The following PTPRM variants were observed in gnomAD, a reference collection of about 807,000 sequenced individuals.
PTPRM encodes protein tyrosine phosphatase receptor type M, also known as receptor-type tyrosine-protein phosphatase mu.
PTPRM carries 47 observed loss-of-function variants against 186.7 expected under a neutral mutation model. The observed-to-expected ratio is 0.25, with a 90% CI of 0.20 to 0.32. The LOEUF is 0.32. PTPRM is among the 10% of genes least tolerant of loss of function. The pLI is 1.00. For synonymous variants in PTPRM, 668 were observed against 674.9 expected, an observed-to-expected ratio of 0.99 and a Z score of 0.16; for missense variants, 1,494 against 1,865.0, an observed-to-expected ratio of 0.80 and a Z score of 3.66.
At chr18:7,612,033 T>C (rs2037688552) in intron 1 of PTPRM, among the ~76,000 whole-genome samples, 1 of 152,236 alleles carries the variant, frequency 6.6e-6, no homozygotes. Flanking sequence ...AACGTGTCCC[T>C]GTCATTGACA....
chr18:7,776,527 ACTC>A (rs1361281102), intron 2 of PTPRM, among the ~76,000 whole-genome samples: 1 of 150,164 alleles, frequency 6.7e-6, no homozygotes, highest in Non-Finnish European at 1.5e-5. Flanking sequence ...TTTTTTTACT[ACTC>A]ATTAAACAAA....
chr18:7,928,993 T>G (rs1335452903), intron 5 of PTPRM, among the ~76,000 whole-genome samples: 2 of 152,202 alleles, frequency 1.3e-5, no homozygotes, highest in East Asian at 3.9e-4. Context: ...CAGCCCTGAC[T>G]CTACTATAGA....
Position 7,935,241 on chromosome 18 carries a change from G to T in PTPRM, c.663+8558G>T, listed in dbSNP as rs138628706. On this transcript the variant is annotated intron_variant, in intron 5 of 32. Transcript: ENST00000580170. ...GCATAAAGGAGGACTGTCTTTAGTTGCTATGGGAACCATTTGCTCTAAAAA... is the reference window on the plus strand; with the variant it reads ...GCATAAAGGAGGACTGTCTTTAGTTTCTATGGGAACCATTTGCTCTAAAAA... Among the ~76,000 whole-genome samples the T allele has an allele frequency of 4.4e-3, 667 of 152,162 alleles. 4 individuals are homozygous for T. The highest frequency in any genetic ancestry group is 0.015 in the African/African-American group (640 of 41,514).
intron 1 of PTPRM, among the ~76,000 whole-genome samples, chr18:7,696,591 T>G (rs983218014): frequency 2.6e-5 from 4 of 152,192 alleles, no homozygotes; most frequent in Non-Finnish European, 5.9e-5. Context: ...GTACAGGACT[T>G]GGGAACACAG....
intron 5 of PTPRM, among the ~76,000 whole-genome samples, chr18:7,931,089 G>A (rs1436084874): frequency 3.3e-5 from 5 of 151,928 alleles, no homozygotes; most frequent in Non-Finnish European, 7.4e-5. Context: ...TTCTTGTATC[G>A]AAAAACCTAT....
chr18:8,386,973 A>C (rs1261695778), intron 30 of PTPRM, 99 bp from the exon 31 acceptor site: 1 of 1,251,010 alleles, frequency 8.0e-7, no homozygotes, highest in Non-Finnish European at 1.1e-6. Flanking sequence ...ACTCGCCTTT[A>C]ATAATGGGAA....
At chr18:7,677,532 C>G (rs1352255969) in intron 1 of PTPRM, among the ~76,000 whole-genome samples, 2 of 152,166 alleles carry the variant, frequency 1.3e-5, no homozygotes, top group Admixed American at 6.6e-5. Context: ...CCTTACTTCT[C>G]TGGTTGATGA....
At chr18:7,966,796 G>C (rs1414684650) in intron 7 of PTPRM, among the ~76,000 whole-genome samples, 611 of 132,176 alleles carry the variant, frequency 4.6e-3, no homozygotes, top group African/African-American at 0.015. Context: ...ACCTGGCTCG[G>C]AGGGTCCTAC....
At chr18:8,391,631 C>G (rs1453088280) in intron 31 of PTPRM, among the ~76,000 whole-genome samples, 1 of 152,164 alleles carries the variant, frequency 6.6e-6, no homozygotes, top group East Asian at 1.9e-4. Flanking sequence ...CTCTTGGGGA[C>G]TGAACGTGGT....
chr18:7,904,779 C>T (rs957041736), intron 3 of PTPRM, among the ~76,000 whole-genome samples: 4 of 152,046 alleles, frequency 2.6e-5, no homozygotes, highest in Non-Finnish European at 5.9e-5. Flanking sequence ...GATGAATCTC[C>T]AAGAGTGCAA....
chr18:8,033,031 T>C (rs2086090190), intron 7 of PTPRM, among the ~76,000 whole-genome samples: 1 of 152,060 alleles, frequency 6.6e-6, no homozygotes, highest in South Asian at 2.1e-4. Flanking sequence ...AACCATTAAA[T>C]AAAAGATTGA....
At chr18:8,205,344 C>G (rs1457767206) in intron 14 of PTPRM, among the ~76,000 whole-genome samples, 2 of 152,048 alleles carry the variant, frequency 1.3e-5, no homozygotes, top group South Asian at 2.1e-4. Flanking sequence ...TCCCTATTAT[C>G]CCTACATACA....
chr18:8,252,690 G>A (rs1457749998), intron 18 of PTPRM, among the ~76,000 whole-genome samples, 191 bp downstream of exon 18: 1 of 152,232 alleles, frequency 6.6e-6, no homozygotes, highest in Admixed American at 6.5e-5. Flanking sequence ...AGCATGCAAA[G>A]TGATTCATCA....
intron 7 of PTPRM, among the ~76,000 whole-genome samples, chr18:7,985,769 A>G (rs2082932372): frequency 6.6e-6 from 1 of 151,914 alleles, no homozygotes; most frequent in Non-Finnish European, 1.5e-5. Flanking sequence ...GCATTTATCC[A>G]TTTTAAAATG....
intron 7 of PTPRM, among the ~76,000 whole-genome samples, chr18:8,064,157 TTTAAA>T (rs1012450954): frequency 6.6e-6 from 1 of 152,186 alleles, no homozygotes; most frequent in Non-Finnish European, 1.5e-5. Flanking sequence ...AATTTAATAA[TTTAAA>T]TTAAATTATT....
chr18:7,841,264 T>G (rs2046304855), intron 2 of PTPRM, among the ~76,000 whole-genome samples: 1 of 151,796 alleles, frequency 6.6e-6, no homozygotes, highest in African/African-American at 2.4e-5. Flanking sequence ...TTTGGACATT[T>G]TTGGCTCAAA....
chr18:7,991,377 A>C (rs750923823), intron 7 of PTPRM, among the ~76,000 whole-genome samples: 6 of 152,132 alleles, frequency 3.9e-5, no homozygotes, highest in Non-Finnish European at 8.8e-5. Flanking sequence ...ATGGCTTATG[A>C]CTATAAAGAA....
chr18:8,166,464 C>G (rs1426981610), intron 14 of PTPRM, among the ~76,000 whole-genome samples: 3 of 152,128 alleles, frequency 2.0e-5, no homozygotes, highest in Non-Finnish European at 4.4e-5. Context: ...GCCCTTCCTT[C>G]CTTCAAACAA....
At chr18:7,622,334 C>T (rs932576215) in intron 1 of PTPRM, among the ~76,000 whole-genome samples, 5 of 151,944 alleles carry the variant, frequency 3.3e-5, no homozygotes, top group African/African-American at 1.2e-4. Context: ...TTCCTCTACC[C>T]TCTCACACCC....
Sources: gnomAD v4.1 joint callset for allele counts (sites outside exome capture counted in the v4.1 genomes callset) on GRCh38, gnomAD v4.1.1 for gene constraint, MANE v1.5 for transcripts, NCBI Gene and HGNC (gene_info 2026-07-23, HGNC 2026-07-21) for gene names.